Variants in CFAP299 observed in about 807,000 individuals in gnomAD.
CFAP299 encodes cilia and flagella associated protein 299.
A neutral mutation model predicts 27.0 loss-of-function variants in CFAP299; 21 were observed. The ratio of observed to expected loss-of-function variants is 0.78; its 90% CI spans 0.55 to 1.12. The LOEUF is 1.12. CFAP299 is among the 50% of genes most tolerant of loss of function. CFAP299 has a pLI of 0.00. For missense variants in CFAP299, 310 were observed against 276.6 expected (o/e 1.12, Z -0.86); for synonymous variants, 104 against 98.1 (o/e 1.06, Z -0.36).
chr4:80,808,985 A>G (rs1430777182), intron 3 of CFAP299, among the ~76,000 whole-genome samples: 2 of 152,148 alleles, frequency 1.3e-5, no homozygotes, highest in Admixed American at 1.3e-4. Context: ...GACCATCTTA[A>G]GTAGGGAGAA....
Position 80,362,776 on chromosome 4 carries a change from T to A in CFAP299, c.134T>A (p.Leu45Ter). Residue 45 changes from leucine (L) to a stop codon, truncating the protein, a stop_gained, in exon 2 of 6, where the codon TTG (leucine) becomes TAG (stop). Coordinates refer to ENST00000358105, the MANE Select transcript of CFAP299 (RefSeq NM_152770.3). LOFTEE classifies it high-confidence loss of function. ...TAGGATGAAACCCTGGCCCGCCAGT[T>A]GGTGGAGCTAGGCTACCGAGGGACT... ...YLEDETLARQ[L>*]VELGYRGTGE... 6.2e-7 allele frequency: 1 copy of A among 1,607,610 alleles called. No individual in the cohort carries two copies. Among genetic ancestry groups the A allele is most frequent in the Non-Finnish European group, 8.5e-7 (1 of 1,178,376 alleles).
At chr4:80,705,019 G>T (rs958828953) in intron 3 of CFAP299, among the ~76,000 whole-genome samples, 6 of 151,734 alleles carry the variant, frequency 4.0e-5, no homozygotes, top group African/African-American at 1.4e-4. Context: ...AGTAGAAACT[G>T]CTGATAACAA....
intron 3 of CFAP299, among the ~76,000 whole-genome samples, chr4:80,780,519 C>T (rs906060088): frequency 2.0e-5 from 3 of 152,022 alleles, no homozygotes; most frequent in South Asian, 2.1e-4. Flanking sequence ...ATAGAAATTA[C>T]GTGATGTCCT....
intron 2 of CFAP299, among the ~76,000 whole-genome samples, chr4:80,440,269 C>T (rs1022123574): frequency 6.6e-6 from 1 of 152,150 alleles, no homozygotes; most frequent in African/African-American, 2.4e-5. Context: ...AGACACCTCC[C>T]AGCAGGGCTC....
chr4:80,370,639 G>A (rs972886184), intron 2 of CFAP299, among the ~76,000 whole-genome samples: 1 of 152,204 alleles, frequency 6.6e-6, no homozygotes, highest in African/African-American at 2.4e-5. Flanking sequence ...ACCCAGCAGG[G>A]CAGTCATTAA....
At chr4:80,477,215 C>A (rs2110122982) in intron 2 of CFAP299, among the ~76,000 whole-genome samples, 1 of 152,258 alleles carries the variant, frequency 6.6e-6, no homozygotes, top group East Asian at 1.9e-4. Flanking sequence ...GCACATGCCA[C>A]TGTGCCCAGC....
chr4:80,331,898 G>A (rs1353429258), upstream of CFAP299, among the ~76,000 whole-genome samples: 1 of 152,084 alleles, frequency 6.6e-6, no homozygotes, highest in Non-Finnish European at 1.5e-5. Context: ...GTCAGCAAAG[G>A]GTCTAGGAGA....
intron 5 of CFAP299, among the ~76,000 whole-genome samples, chr4:80,947,514 G>A (rs893078068): frequency 1.3e-5 from 2 of 152,164 alleles, no homozygotes; most frequent in Non-Finnish European, 2.9e-5. Flanking sequence ...TAGTTGTTGT[G>A]TTGTTGTTTG....
intron 2 of CFAP299, among the ~76,000 whole-genome samples, chr4:80,383,274 T>C (rs143422388): frequency 7.9e-5 from 12 of 151,660 alleles, no homozygotes; most frequent in Non-Finnish European, 1.6e-4. Flanking sequence ...AATCTGTATA[T>C]CAGACCCCTG....
At chr4:80,902,414 TATA>T (rs1270801189) in intron 4 of CFAP299, among the ~76,000 whole-genome samples, 1 of 115,410 alleles carries the variant, frequency 8.7e-6, no homozygotes, top group Non-Finnish European at 1.6e-5. Flanking sequence ...TATATAAATA[TATA>T]ATATGTTTAT....
chr4:80,926,722 A>G (rs1166102422), intron 4 of CFAP299, among the ~76,000 whole-genome samples: 2 of 152,068 alleles, frequency 1.3e-5, no homozygotes, highest in African/African-American at 2.4e-5. Context: ...AAAAATGTCA[A>G]TAGAGGGAGG....
intron 4 of CFAP299, among the ~76,000 whole-genome samples, chr4:80,896,369 T>C (rs1734609303): frequency 6.6e-6 from 1 of 152,106 alleles, no homozygotes; most frequent in Non-Finnish European, 1.5e-5. Context: ...TTTACATATA[T>C]TTGTTTGAGG....
intron 3 of CFAP299, among the ~76,000 whole-genome samples, chr4:80,591,105 A>T (rs10021888): frequency 0.64 from 79,983 of 125,942 alleles, 28,346 homozygotes; most frequent in Non-Finnish European, 0.79. Context: ...ACTTTAGGAA[A>T]TTTTTTTTTT....
intron 3 of CFAP299, among the ~76,000 whole-genome samples, chr4:80,850,231 G>A (rs1211796861): frequency 6.6e-6 from 1 of 151,928 alleles, no homozygotes; most frequent in Admixed American, 6.6e-5. Flanking sequence ...ATGGCGGTGG[G>A]GGGGGTGATA....
rs921386664 is a variant in CFAP299, at chr4:80,788,096, G to T, written c.334-81897G>T. ...TTTGCATTTCTAGCAAGTCCCTAGG[G>T]GATGTCAATGCTGCTAATCTGGGGA... On this transcript the variant is annotated intron_variant, in intron 3 of 5. Coordinates refer to ENST00000358105, the MANE Select transcript of CFAP299 (RefSeq NM_152770.3). Among the ~76,000 whole-genome samples, 5 of 151,986 alleles carry T rather than the reference G, an allele frequency of 3.3e-5. No individual in the cohort carries two copies. The South Asian group carries it at 6.2e-4, about 19-fold the overall frequency.
intron 3 of CFAP299, among the ~76,000 whole-genome samples, chr4:80,861,114 G>T (rs983554824): frequency 1.3e-5 from 2 of 152,208 alleles, no homozygotes; most frequent in Admixed American, 6.5e-5. Flanking sequence ...CTGGACAATG[G>T]CGGGCGCCCC....
At chr4:80,685,752 G>T (rs942863830) in intron 3 of CFAP299, among the ~76,000 whole-genome samples, 1 of 152,100 alleles carries the variant, frequency 6.6e-6, no homozygotes, top group African/African-American at 2.4e-5. Context: ...AAATAAGCTT[G>T]CAGAAAACTG....
intron 3 of CFAP299, among the ~76,000 whole-genome samples, chr4:80,852,521 T>C (rs13135942): frequency 0.13 from 19,833 of 152,154 alleles, 1,505 homozygotes; most frequent in Middle Eastern, 0.25. Flanking sequence ...AGAATTGTTT[T>C]TATGGCAAAC....
chr4:80,369,549 A>G (rs1406012358), intron 2 of CFAP299, among the ~76,000 whole-genome samples: 2 of 152,146 alleles, frequency 1.3e-5, no homozygotes, highest in East Asian at 3.9e-4. Flanking sequence ...GAGCGTATGA[A>G]CAGATGCCTA....
Sources: gnomAD v4.1 joint callset for allele counts (sites outside exome capture counted in the v4.1 genomes callset) on GRCh38, gnomAD v4.1.1 for gene constraint, MANE v1.5 for transcripts, NCBI Gene and HGNC (gene_info 2026-07-23, HGNC 2026-07-21) for gene names.